Variants in TANC2 observed in about 807,000 individuals in gnomAD.
TANC2 encodes tetratricopeptide repeat, ankyrin repeat and coiled-coil containing 2, also known as protein TANC2.
Under a neutral mutation model 210.5 loss-of-function variants are expected in TANC2, and 26 were observed. The observed-to-expected ratio is 0.12, with a 90% CI of 0.09 to 0.17. The LOEUF (loss-of-function observed/expected upper bound fraction) is 0.17, where lower values mean the gene tolerates loss of function less well. Among genes scored for constraint, TANC2 ranks in the 10% least tolerant of loss-of-function variants. The probability of loss-of-function intolerance (pLI) is 1.00; values close to 1 mark genes in which losing one functional copy is unlikely to be tolerated. For synonymous variants in TANC2, 931 were observed against 967.1 expected, an observed-to-expected ratio of 0.96 and a Z score of 0.69; for missense variants, 2,129 against 2,608.9, an observed-to-expected ratio of 0.82 and a Z score of 4.01.
At chr17:63,378,968 G>T (rs2047516146) in intron 14 of TANC2, among the ~76,000 whole-genome samples, 1 of 152,154 alleles carries the variant, frequency 6.6e-6, no homozygotes, top group Non-Finnish European at 1.5e-5. Context: ...CTGGCCTAAG[G>T]CTGAGAAGAA....
intron 7 of TANC2, among the ~76,000 whole-genome samples, chr17:63,202,659 GT>G (rs2041573695): frequency 6.6e-6 from 1 of 152,052 alleles, no homozygotes; most frequent in African/African-American, 2.4e-5. Context: ...AAGTGATTAT[GT>G]TTTTTCCTCT....
chr17:63,055,731 T>C (rs1442751346), intron 2 of TANC2, among the ~76,000 whole-genome samples: 1 of 150,830 alleles, frequency 6.6e-6, no homozygotes, highest in Non-Finnish European at 1.5e-5. Context: ...GGAGGCCTTA[T>C]CTGTAATGAA....
rs1383633770 is a variant in TANC2 at position 63,091,220 on chromosome 17, T to A, written c.140-7955T>A. 3.9e-5 allele frequency among the ~76,000 whole-genome samples: 6 copies of A among 152,190 alleles called. No individual in the cohort carries two copies. The South Asian group carries it at 8.3e-4, about 21-fold the overall frequency. On this transcript the variant is annotated intron_variant, in intron 3 of 27. Coordinates refer to ENST00000689528, the Ensembl canonical transcript of TANC2. ...GCAGAAGCTCCTTAGTTTAATTAGATCTCATTTGTCAATTTTGGCTTTTGT... is the reference window on the plus strand; with the variant it reads ...GCAGAAGCTCCTTAGTTTAATTAGAACTCATTTGTCAATTTTGGCTTTTGT...
intron 12 of TANC2, among the ~76,000 whole-genome samples, chr17:63,348,561 AG>A (rs1156631985): frequency 6.6e-6 from 1 of 152,212 alleles, no homozygotes; most frequent in African/African-American, 2.4e-5. Flanking sequence ...GATATAATGT[AG>A]TTTTCCATAT....
intron 9 of TANC2, among the ~76,000 whole-genome samples, chr17:63,286,810 A>G (rs1357164282): frequency 6.6e-6 from 1 of 151,998 alleles, no homozygotes; most frequent in South Asian, 2.1e-4. Flanking sequence ...TTAATTTTGT[A>G]TAGTTTCTAT....
At chr17:63,120,867 A>G (rs1464465852) in intron 4 of TANC2, 1 of 151,464 alleles carries the variant, frequency 6.6e-6, no homozygotes, top group Non-Finnish European at 1.5e-5. Context: ...CATATAACAT[A>G]CAACTGGGTA....
intron 7 of TANC2, among the ~76,000 whole-genome samples, chr17:63,209,341 G>A (rs1297273954): frequency 2.0e-5 from 3 of 151,108 alleles, no homozygotes; most frequent in Admixed American, 2.0e-4. Flanking sequence ...TGTTGTACCA[G>A]CTAATTCTCT....
chr17:63,107,348 A>G (rs900501513), intron 4 of TANC2, among the ~76,000 whole-genome samples: 9 of 151,838 alleles, frequency 5.9e-5, no homozygotes, highest in African/African-American at 2.2e-4. Flanking sequence ...TGAGAAAAGG[A>G]TAGTATTATT....
At chr17:63,100,503 T>G (rs2037581849) in intron 4 of TANC2, among the ~76,000 whole-genome samples, 1 of 152,174 alleles carries the variant, frequency 6.6e-6, no homozygotes. Context: ...ACCAGTTCCC[T>G]TCTAATGTCC....
intron 4 of TANC2, among the ~76,000 whole-genome samples, chr17:63,145,170 A>G (rs1223619350): frequency 6.6e-6 from 1 of 152,134 alleles, no homozygotes; most frequent in African/African-American, 2.4e-5. Flanking sequence ...TTGAAGCACA[A>G]TCATGAGAAA....
chr17:63,341,466 C>G (rs1379604174), intron 12 of TANC2, among the ~76,000 whole-genome samples: 3 of 152,238 alleles, frequency 2.0e-5, no homozygotes, highest in Non-Finnish European at 2.9e-5. Context: ...AGCATCATAT[C>G]TATAATTACC....
intron 21 of TANC2, among the ~76,000 whole-genome samples, chr17:63,406,623 C>T (rs932727388): frequency 3.9e-5 from 6 of 152,184 alleles, no homozygotes; most frequent in African/African-American, 1.4e-4. Context: ...GCCTGCACAA[C>T]TAATATTTTT....
chr17:63,243,095 T>C (rs1294599683), intron 8 of TANC2, among the ~76,000 whole-genome samples: 2 of 152,204 alleles, frequency 1.3e-5, no homozygotes, highest in East Asian at 3.8e-4. Flanking sequence ...AAGTTTCATA[T>C]CTTTTTCCAG....
Position 63,042,403 on chromosome 17 carries a change from T to C in TANC2, c.68-31540T>C, listed in dbSNP as rs532407501. Among the ~76,000 whole-genome samples the C allele has an allele frequency of 1.7e-3, 265 of 152,254 alleles. 1 individual carries two copies. The highest frequency in any genetic ancestry group is 2.5e-3 in the Non-Finnish European group (167 of 67,990). Reference sequence around the variant, plus strand: ...TGTGCTTATTTTCTAAATTATCCAATATGCTAATAGAGTCAGGCTGAAGGC... The same window carrying C: ...TGTGCTTATTTTCTAAATTATCCAACATGCTAATAGAGTCAGGCTGAAGGC... On this transcript the variant is annotated intron_variant, in intron 2 of 27. Coordinates refer to ENST00000689528, the Ensembl canonical transcript of TANC2.
At chr17:63,365,807 C>T (rs1598951653) in intron 14 of TANC2, among the ~76,000 whole-genome samples, 2 of 151,986 alleles carry the variant, frequency 1.3e-5, no homozygotes. Flanking sequence ...TAAATGCCAC[C>T]TCCTCAGAAA....
chr17:63,205,344 CAAAAAA>C (rs1158768609), intron 7 of TANC2, among the ~76,000 whole-genome samples: 19 of 8,070 alleles, frequency 2.4e-3, no homozygotes, highest in Non-Finnish European at 3.8e-3. Flanking sequence ...ACCAAGGAGG[CAAAAAA>C]AAAAAAAAAA....
chr17:63,029,792 A>T (rs142568635), intron 2 of TANC2, among the ~76,000 whole-genome samples: 1 of 152,274 alleles, frequency 6.6e-6, no homozygotes, highest in East Asian at 1.9e-4. Context: ...TACTTGGAGG[A>T]TAGGCTGGGA....
intron 3 of TANC2, among the ~76,000 whole-genome samples, chr17:63,080,082 T>C (rs1274536588): frequency 1.3e-5 from 2 of 152,182 alleles, no homozygotes; most frequent in African/African-American, 4.8e-5. Context: ...TATTTGTCTA[T>C]TGGGTCTCCA....
intron 5 of TANC2, among the ~76,000 whole-genome samples, chr17:63,172,506 C>T (rs1449937489): frequency 6.6e-6 from 1 of 151,984 alleles, no homozygotes; most frequent in East Asian, 2.0e-4. Flanking sequence ...CTAATGAAAA[C>T]TTTTAATAAC....
Sources: allele counts gnomAD v4.1 joint callset (sites outside exome capture counted in the v4.1 genomes callset), GRCh38; gene constraint gnomAD v4.1.1; transcripts MANE v1.5; gene names NCBI Gene and HGNC (gene_info 2026-07-23, HGNC 2026-07-21).